SATB1: variants seen among roughly 807,000 people sequenced by gnomAD.
SATB1 encodes the protein SATB homeobox 1.
SATB1 carries 11 observed loss-of-function variants against 86.9 expected under a neutral mutation model. The ratio of observed to expected loss-of-function variants is 0.13; its 90% CI spans 0.08 to 0.21. The LOEUF is 0.21. Among genes scored for constraint, SATB1 ranks in the 10% least tolerant of loss-of-function variants. SATB1 has a pLI of 1.00. For synonymous variants in SATB1, 357 were observed against 357.2 expected (o/e 1.00, Z 0.01); for missense variants, 551 against 937.6 (o/e 0.59, Z 5.39).
chr3:18,408,482 T>C (rs530984221), intron 5 of SATB1, among the ~76,000 whole-genome samples: 11 of 152,098 alleles, frequency 7.2e-5, no homozygotes, highest in South Asian at 4.1e-4. Flanking sequence ...AACTTTTAAG[T>C]CTAGATTTAA....
intron 9 of SATB1, among the ~76,000 whole-genome samples, chr3:18,355,519 C>T (rs1401117962): frequency 2.0e-5 from 3 of 151,900 alleles, no homozygotes; most frequent in Admixed American, 1.3e-4. Context: ...GAATATGTCA[C>T]AATATTTTTA....
intron 2 of SATB1, among the ~76,000 whole-genome samples, chr3:18,434,323 G>A (rs1698988576): frequency 6.6e-6 from 1 of 151,916 alleles, no homozygotes; most frequent in Non-Finnish European, 1.5e-5. Context: ...ACCAAATCTT[G>A]TGGCATTCTC....
At chr3:18,396,899 G>C (rs1454400736) in intron 6 of SATB1, among the ~76,000 whole-genome samples, 1 of 152,096 alleles carries the variant, frequency 6.6e-6, no homozygotes, top group Non-Finnish European at 1.5e-5. Context: ...TCAAGGCCTG[G>C]TTAGGTCTTC....
chr3:18,445,511 C>T (rs1699372140), intron 1 of SATB1: 2 of 985,554 alleles, frequency 2.0e-6, no homozygotes, highest in Non-Finnish European at 2.4e-6. Flanking sequence ...CAACCCTGCC[C>T]CCTCACCTCT....
intron 9 of SATB1, among the ~76,000 whole-genome samples, chr3:18,377,692 T>C (rs1249128919): frequency 6.6e-6 from 1 of 152,166 alleles, no homozygotes. Flanking sequence ...GTGTATTTAA[T>C]AGTTGCAGCC....
chr3:18,406,729 T>A (rs1251133474), intron 5 of SATB1, among the ~76,000 whole-genome samples: 2 of 152,030 alleles, frequency 1.3e-5, no homozygotes. Context: ...GAAATGTCAG[T>A]AGGTTTTCTT....
At chr3:18,389,148 T>A (rs1306518462) in intron 7 of SATB1, among the ~76,000 whole-genome samples, 1 of 152,090 alleles carries the variant, frequency 6.6e-6, no homozygotes, top group African/African-American at 2.4e-5. Context: ...AACAAGGTTT[T>A]TTGTTCGTCT....
At chr3:18,401,728 T>C (rs555717778) in intron 5 of SATB1, among the ~76,000 whole-genome samples, 1 of 152,292 alleles carries the variant, frequency 6.6e-6, no homozygotes, top group African/African-American at 2.4e-5. Context: ...GTGGGTCTCA[T>C]AACCCCAGTG....
In SATB1 at chr3:18,445,491, C is replaced by G. The variant is rs1405886632; in HGVS notation, c.-25+27G>C. On this transcript the variant is annotated intron_variant, in intron 1 of 3. Coordinates refer to the SATB1 transcript ENST00000415069. ...CGCTTGGGGTGCGCGGCGCGGTTCT[C>G]GTCGCCCGCCAACCCTGCCCCCTCA... 9.1e-6 allele frequency: 9 copies of G among 985,304 alleles called. No individual in the cohort carries two copies. In the South Asian group the frequency reaches 1.9e-4, roughly 21 times the overall value. The allele number at this position is 985,304 out of a possible 1,614,324, so 61.0% of individuals were successfully genotyped here. A position where few individuals can be genotyped will look rare whatever the true frequency, so the allele number is the denominator to read the frequency against.
intron 9 of SATB1, 120 bp downstream of exon 9, chr3:18,378,050 A>C: frequency 1.2e-6 from 1 of 832,956 alleles, no homozygotes; most frequent in South Asian, 2.4e-5. Context: ...CTCTGGAAAT[A>C]ATCCTAGACA....
intron 9 of SATB1, among the ~76,000 whole-genome samples, chr3:18,362,348 T>TC (rs1431392220): frequency 1.3e-5 from 2 of 152,046 alleles, no homozygotes; most frequent in Non-Finnish European, 2.9e-5. Context: ...GGCTCACACT[T>TC]CAACGAGTGA....
At chr3:18,368,774 A>G (rs1367359483) in intron 9 of SATB1, among the ~76,000 whole-genome samples, 2 of 152,174 alleles carry the variant, frequency 1.3e-5, no homozygotes, top group African/African-American at 4.8e-5. Flanking sequence ...GGCTATATCT[A>G]TGTTTTAAAT....
upstream of SATB1, among the ~76,000 whole-genome samples, chr3:18,428,997 GT>G (rs527824975): frequency 6.6e-6 from 1 of 151,282 alleles, no homozygotes; most frequent in Non-Finnish European, 1.5e-5. Flanking sequence ...CTAAGGACAT[GT>G]TTTTTTTTCT....
intron 5 of SATB1, among the ~76,000 whole-genome samples, chr3:18,407,465 C>T (rs1697599906): frequency 6.6e-6 from 1 of 152,050 alleles, no homozygotes; most frequent in Admixed American, 6.6e-5. Context: ...TGATTTCAAA[C>T]TCTCAATGCC....
chr3:18,424,677 GCCAAGCTC>G lies in SATB1; in HGVS notation c.-1083_-1076del, dbSNP rs1698581541. ...CCCCGCCCCCTCCCCCCAAAAAGTC[GCCAAGCTC>G]TCACTCGTCCAGAGTCCGAGGTAAA... On this transcript the variant is annotated 5_prime_UTR_variant, in exon 1 of 11. Transcript: ENST00000338745. 1 of 152,012 alleles carries G rather than the reference GCCAAGCTC, an allele frequency of 6.6e-6. No homozygotes were observed. The highest frequency in any genetic ancestry group is 1.5e-5 in the Non-Finnish European group (1 of 68,038). The allele number at this position is 152,012 out of a possible 1,614,324, so 9.4% of individuals were successfully genotyped here.
intron 2 of SATB1, among the ~76,000 whole-genome samples, chr3:18,419,525 T>C (rs1039731948): frequency 6.6e-6 from 1 of 152,188 alleles, no homozygotes; most frequent in African/African-American, 2.4e-5. Context: ...TATCACATAA[T>C]ACCAGAGACA....
At chr3:18,383,726 T>C (rs1206189164) in intron 8 of SATB1, among the ~76,000 whole-genome samples, 1 of 152,202 alleles carries the variant, frequency 6.6e-6, no homozygotes, top group Admixed American at 6.5e-5. Flanking sequence ...TTAAGCATCA[T>C]TTCATTATTT....
Position 18,444,990 on chromosome 3 carries a change from C to G in SATB1, c.-25+528G>C, listed in dbSNP as rs1413648935. The G allele has an allele frequency of 2.5e-5, 4 of 159,598 alleles. No individual in the cohort carries two copies. The highest frequency in any genetic ancestry group is 9.9e-5 in the African/African-American group (4 of 40,570). 9.9% of individuals were successfully genotyped at this position (159,598 alleles called of 1,614,324 possible). A position where few individuals can be genotyped will look rare whatever the true frequency, so the allele number is the denominator to read the frequency against. ...CGGGAGCTGCTCTCGTCTCGTCGGT[C>G]GCGGCGCCTGCAGTCTGGAGGCGCA... On this transcript the variant is annotated intron_variant, in intron 1 of 3. Coordinates refer to the SATB1 transcript ENST00000415069. This position sits in a 1 kb window ranked among gnomAD's most constrained non-coding sequence, Gnocchi z 5.1.
intron 2 of SATB1, chr3:18,417,684 T>A (rs1388814230): frequency 2.9e-6 from 2 of 698,910 alleles, no homozygotes; most frequent in East Asian, 5.4e-5. Context: ...GTGCTCATAA[T>A]ACACAATTTC....
Sources: allele counts gnomAD v4.1 joint callset (sites outside exome capture counted in the v4.1 genomes callset), GRCh38; gene constraint gnomAD v4.1.1; non-coding constraint Gnocchi (gnomAD v3.1); transcripts MANE v1.5; gene names NCBI Gene and HGNC (gene_info 2026-07-23, HGNC 2026-07-21).